Variants in SRRM3 observed in about 807,000 individuals in gnomAD.
The protein encoded by SRRM3 is serine/arginine repetitive matrix 3.
Under a neutral mutation model 66.2 loss-of-function variants are expected in SRRM3, and 27 were observed. That is an observed-to-expected ratio of 0.41 (90% CI 0.30 to 0.56). The LOEUF is 0.56. Ranked by LOEUF, SRRM3 falls within the 20% of genes least tolerant of loss-of-function variation. The pLI is 0.32. For missense variants in SRRM3, 918 were observed against 991.9 expected (o/e 0.93, Z 1.00); for synonymous variants, 391 against 414.9 (o/e 0.94, Z 0.70).
chr7:76,260,324 C>A, intron 5 of SRRM3, 127 bp downstream of exon 5: 1 of 705,078 alleles, frequency 1.4e-6, no homozygotes, highest in Non-Finnish European at 2.1e-6. Context: ...CTCCCTCGCC[C>A]TCCCCGTGCC....
intron 1 of SRRM3, among the ~76,000 whole-genome samples, chr7:76,205,425 C>T (rs1483928739): frequency 1.3e-5 from 2 of 152,116 alleles, no homozygotes; most frequent in Non-Finnish European, 2.9e-5. Flanking sequence ...GGCCAAGCTG[C>T]TCTCAATCTC....
chr7:76,260,753 C>T, intron 5 of SRRM3, 121 bp from the exon 6 acceptor site: 1 of 957,188 alleles, frequency 1.0e-6, no homozygotes, highest in Non-Finnish European at 1.6e-6. Flanking sequence ...GGGGCCTCAT[C>T]TGCCATCCCC....
chr7:76,259,918 C>A lies in SRRM3; in HGVS notation c.348C>A (p.Thr116=), dbSNP rs782186937. ...CTGTCGCCGGCAGTGTGGCGGAGAC[C>A]CCGCGGCTGACCGAGGGCGCTGAGC... ...DRPGGHIVAE[T]PRLTEGAEPG... is the part of the protein sequence containing the mutation. Residue 116 remains threonine, a synonymous_variant, in exon 4 of 15, where the codon ACC becomes ACA. Transcript: ENST00000611745. 1 of 1,601,696 alleles carries A rather than the reference C, an allele frequency of 6.2e-7. No individual in the cohort carries two copies.
rs115873465 is a variant in SRRM3, at chr7:76,203,076, G to A, written c.-40+1009G>A. Among the ~76,000 whole-genome samples the A allele has an allele frequency of 8.3e-3, 1,270 of 152,322 alleles. 24 individuals are homozygous for A. The highest frequency in any genetic ancestry group is 0.029 in the African/African-American group (1,195 of 41,570). On this transcript the variant is annotated intron_variant, in intron 1 of 14. Transcript: ENST00000611745. ...GGCTTTGACGGAGAGACGTGCACAA[G>A]TTCCTCTGTCCAGGGAGCATCTTAA...
intron 2 of SRRM3, among the ~76,000 whole-genome samples, chr7:76,246,518 C>T (rs1473472628): frequency 1.3e-5 from 2 of 151,800 alleles, no homozygotes; most frequent in Non-Finnish European, 2.9e-5. Context: ...GAGCTGAGAT[C>T]GCACCACTGC....
At chr7:76,238,828 T>A (rs1801210381) in intron 2 of SRRM3, among the ~76,000 whole-genome samples, 1 of 151,814 alleles carries the variant, frequency 6.6e-6, no homozygotes, top group South Asian at 2.1e-4. Context: ...ACCTGGCTAA[T>A]TTTTGTACTT....
At chr7:76,238,675 G>A (rs367684878) in intron 2 of SRRM3, among the ~76,000 whole-genome samples, 4 of 151,902 alleles carry the variant, frequency 2.6e-5, no homozygotes, top group African/African-American at 7.3e-5. Context: ...TGTTTGTTTC[G>A]TTTGAGATGG....
chr7:76,260,519 A>C (rs1325144276), intron 5 of SRRM3, among the ~76,000 whole-genome samples: 13 of 47,516 alleles, frequency 2.7e-4, no homozygotes, highest in African/African-American at 1.0e-3. Context: ...CCCGCCCCTC[A>C]TCGAGGTCCT....
intron 10 of SRRM3, 140 bp downstream of exon 10, chr7:76,265,608 T>G (rs1212215834): frequency 3.1e-6 from 2 of 650,016 alleles, no homozygotes; most frequent in East Asian, 6.6e-5. Flanking sequence ...GGTAGCCAGG[T>G]GTGGTGGCTC....
chr7:76,243,049 A>G (rs953546984), intron 2 of SRRM3, among the ~76,000 whole-genome samples: 3 of 152,142 alleles, frequency 2.0e-5, no homozygotes, highest in Non-Finnish European at 4.4e-5. Context: ...ATCCACCCCC[A>G]TGACCCAAAC....
intron 11 of SRRM3, among the ~76,000 whole-genome samples, chr7:76,281,194 C>T (rs1802490665): frequency 6.6e-6 from 1 of 151,246 alleles, no homozygotes. Context: ...CTCTCCCTCT[C>T]TCCTGTCTCT....
chr7:76,235,144 C>T lies in SRRM3; in HGVS notation c.78C>T (p.Ser26=). The change falls in exon 2 of 15, where the codon AGC becomes AGT. Residue 26 remains serine (S), a synonymous_variant. Coordinates refer to ENST00000611745, the MANE Select transcript of SRRM3 (RefSeq NM_001110199.3). ...CCGCGAACGGCTTCCCGCAGCCCAGCTCCTCCTCGGGGACCTGGCCGCGGG... is the reference window on the plus strand; with the variant it reads ...CCGCGAACGGCTTCCCGCAGCCCAGTTCCTCCTCGGGGACCTGGCCGCGGG... ...PDAANGFPQP[S]SSSGTWPRAE... 1.3e-6 allele frequency: 2 copies of T among 1,565,298 alleles called. No individual in the cohort carries two copies. Among genetic ancestry groups the T allele is most frequent in the East Asian group, 2.4e-5 (1 of 42,468 alleles).
rs1802559500 is a variant in SRRM3 at position 76,282,776 on chromosome 7, G to T, written c.1499G>T (p.Ser500Ile). ...CCCGGCCCGCACCCCCGCTCCTGGA[G>T]CTCCAGCCGCTCGCCCTCCAAATCT... ...RSPGPHPRSWSSSRSPSKSRS... is the reference protein window; with the variant it reads ...RSPGPHPRSWISSRSPSKSRS... Residue 500 changes from serine to isoleucine, a missense_variant, in exon 13 of 15, where the codon AGC (serine) becomes ATC (isoleucine). By Grantham distance (142) the Ser-to-Ile change is moderately radical (BLOSUM62 -2). Coordinates refer to ENST00000611745, the MANE Select transcript of SRRM3 (RefSeq NM_001110199.3). The T allele has an allele frequency of 4.3e-5, 63 of 1,465,864 alleles. No homozygotes were observed. Among genetic ancestry groups the T allele is most frequent in the Non-Finnish European group, 5.7e-5 (63 of 1,114,766 alleles). 90.8% of individuals were successfully genotyped at this position (1,465,864 alleles called of 1,614,324 possible).
intron 3 of SRRM3, among the ~76,000 whole-genome samples, chr7:76,248,985 A>C (rs1801508342): frequency 6.6e-6 from 1 of 152,118 alleles, no homozygotes; most frequent in Non-Finnish European, 1.5e-5. Flanking sequence ...ATCTCAAAAA[A>C]TAAAATAGAA....
intron 10 of SRRM3, among the ~76,000 whole-genome samples, chr7:76,265,857 TA>T (rs1387553861): frequency 0.029 from 223 of 7,592 alleles, 7 homozygotes; most frequent in East Asian, 0.062. Context: ...TATATATATA[TA>T]TTTTTTTTTT....
chr7:76,274,771 C>CT (rs1802299678), intron 11 of SRRM3, among the ~76,000 whole-genome samples: 1 of 152,212 alleles, frequency 6.6e-6, no homozygotes, highest in Non-Finnish European at 1.5e-5. Flanking sequence ...CACCCCTGCC[C>CT]TTTAAACTGT....
intron 1 of SRRM3, among the ~76,000 whole-genome samples, chr7:76,202,796 C>T (rs1425902892): frequency 1.3e-5 from 2 of 152,064 alleles, no homozygotes; most frequent in South Asian, 2.1e-4. Flanking sequence ...GCCTTGCCTC[C>T]GCCTCCCCCT....
chr7:76,283,900 G>C (rs1225527129), intron 14 of SRRM3: 1 of 939,156 alleles, frequency 1.1e-6, no homozygotes, highest in Admixed American at 6.2e-5. Context: ...AGGGGGTTGG[G>C]GGGAACACAG....
At chr7:76,266,286 T>C (rs1554609631) in intron 10 of SRRM3, among the ~76,000 whole-genome samples, 1 of 120,702 alleles carries the variant, frequency 8.3e-6, no homozygotes, top group Non-Finnish European at 1.6e-5. Flanking sequence ...ATATTATATA[T>C]TTATATATTT....
Sources: allele counts gnomAD v4.1 joint callset (sites outside exome capture counted in the v4.1 genomes callset), GRCh38; gene constraint gnomAD v4.1.1; transcripts MANE v1.5; gene names NCBI Gene and HGNC (gene_info 2026-07-23, HGNC 2026-07-21).